The following TLK2 variants were observed in gnomAD, a reference collection of about 807,000 sequenced individuals.
TLK2 encodes the protein serine/threonine-protein kinase tousled-like 2.
Under a neutral mutation model 117.3 loss-of-function variants are expected in TLK2, and 6 were observed. The ratio of observed to expected loss-of-function variants is 0.05; its 90% CI spans 0.03 to 0.10. TLK2 has a LOEUF of 0.10. TLK2 is among the 10% of genes least tolerant of loss of function. The pLI is 1.00. For synonymous variants in TLK2, 257 were observed against 316.7 expected, an observed-to-expected ratio of 0.81 and a Z score of 2.00; for missense variants, 299 against 901.2, an observed-to-expected ratio of 0.33 and a Z score of 8.56.
intron 21 of TLK2, among the ~76,000 whole-genome samples, chr17:62,609,787 C>T (rs2083595554): frequency 6.6e-6 from 1 of 152,182 alleles, no homozygotes; most frequent in African/African-American, 2.4e-5. Flanking sequence ...TTTTCCTTAT[C>T]CATAAAAACA....
At chr17:62,584,045 T>G (rs566150993) in intron 15 of TLK2, among the ~76,000 whole-genome samples, 18 of 152,158 alleles carry the variant, frequency 1.2e-4, no homozygotes, top group African/African-American at 4.3e-4. Flanking sequence ...GAGAAAATTA[T>G]GCTTGAAATA....
At chr17:62,485,816 GTTTTTTTT>G (rs879159414) in intron 2 of TLK2, among the ~76,000 whole-genome samples, 1 of 122,562 alleles carries the variant, frequency 8.2e-6, no homozygotes, top group Non-Finnish European at 1.7e-5. Context: ...TAATTTTCTG[GTTTTTTTT>G]TTTTTTTTTT....
At chr17:62,516,939 CTG>C (rs1314363981) in intron 2 of TLK2, among the ~76,000 whole-genome samples, 1 of 152,100 alleles carries the variant, frequency 6.6e-6, no homozygotes, top group African/African-American at 2.4e-5. Context: ...CCGTCTCACT[CTG>C]TTGTCCAGGC....
intron 2 of TLK2, among the ~76,000 whole-genome samples, chr17:62,511,233 T>C (rs2465448): frequency 0.37 from 56,556 of 152,076 alleles, 10,745 homozygotes; most frequent in African/African-American, 0.42. Flanking sequence ...TACTTCATCA[T>C]AAGGCTCTTT....
At chr17:62,584,181 A>G (rs1430628718) in intron 15 of TLK2, among the ~76,000 whole-genome samples, 3 of 121,134 alleles carry the variant, frequency 2.5e-5, no homozygotes, top group Non-Finnish European at 4.7e-5. Flanking sequence ...CAGTGGTGCT[A>G]TCTCGGCTCA....
At position 62,615,272 on chromosome 17, in the gene TLK2, A is replaced by C. The variant is rs1474823934; in HGVS notation, c.*2707A>C. The C allele has an allele frequency of 6.6e-6, 1 of 152,224 alleles. No homozygotes were observed. Among genetic ancestry groups the C allele is most frequent in the Non-Finnish European group, 1.5e-5 (1 of 68,054 alleles). The allele number at this position is 152,224 out of a possible 1,614,324, so 9.4% of individuals were successfully genotyped here. A position where few individuals can be genotyped will look rare whatever the true frequency, so the allele number is the denominator to read the frequency against. ...TTGACTGTCTTTCAAGCAGCCAGTG[A>C]AATCACTAAGTGGGGTTCTTCCATG... On this transcript the variant is annotated 3_prime_UTR_variant, in exon 22 of 22. Transcript: ENST00000346027.
chr17:62,565,905 T>A (rs2079749049), intron 11 of TLK2, among the ~76,000 whole-genome samples: 1 of 152,140 alleles, frequency 6.6e-6, no homozygotes, highest in South Asian at 2.1e-4. Flanking sequence ...ATAGGACATG[T>A]TCCTGGGATT....
At chr17:62,573,777 A>T (rs977866987) in intron 12 of TLK2, among the ~76,000 whole-genome samples, 6 of 152,234 alleles carry the variant, frequency 3.9e-5, no homozygotes, top group Non-Finnish European at 8.8e-5. Context: ...GCACTTAGTT[A>T]ATAGTCACAA....
intron 18 of TLK2, 103 bp downstream of exon 18, chr17:62,600,923 CTAA>C: frequency 8.5e-7 from 1 of 1,174,866 alleles, no homozygotes; most frequent in Non-Finnish European, 1.2e-6. Context: ...CCAAGAAAGG[CTAA>C]TAACATCTGA....
At chr17:62,562,086 G>A (rs1206806479) in intron 10 of TLK2, among the ~76,000 whole-genome samples, 1 of 152,212 alleles carries the variant, frequency 6.6e-6, no homozygotes, top group African/African-American at 2.4e-5. Flanking sequence ...TGGACTGGGT[G>A]TGGTGGCTCA....
At chr17:62,588,413 T>C (rs1376982140) in intron 16 of TLK2, among the ~76,000 whole-genome samples, 1 of 152,208 alleles carries the variant, frequency 6.6e-6, no homozygotes, top group African/African-American at 2.4e-5. Flanking sequence ...TTCTCACATA[T>C]GTCTCTACCA....
chr17:62,476,704 G>T (rs1324550170), upstream of TLK2, among the ~76,000 whole-genome samples: 1 of 152,194 alleles, frequency 6.6e-6, no homozygotes, highest in Admixed American at 6.6e-5. Flanking sequence ...TCTGTGGAAA[G>T]AGCTAGGCTG....
intron 6 of TLK2, among the ~76,000 whole-genome samples, chr17:62,525,198 G>A (rs1163225838): frequency 6.6e-6 from 1 of 152,142 alleles, no homozygotes; most frequent in East Asian, 1.9e-4. Context: ...TTTTATTTTA[G>A]ATCACTGATT....
chr17:62,518,483 C>T (rs1215498675), intron 2 of TLK2, among the ~76,000 whole-genome samples: 1 of 152,062 alleles, frequency 6.6e-6, no homozygotes, highest in East Asian at 1.9e-4. Context: ...GTGGGCGGAT[C>T]ACTTGAAGGC....
chr17:62,530,273 GAAACAAAC>G lies in TLK2; in HGVS notation c.364-5877_364-5870del, dbSNP rs140690874. On this transcript the variant is annotated intron_variant, in intron 6 of 21. Coordinates refer to ENST00000346027, the MANE Select transcript of TLK2 (RefSeq NM_006852.6). ...TGGGTGACAGTGCAAGACTGTCTCA[GAAACAAAC>G]AAACAAACAAACAAACAAAAAACAA... 1.1e-3 allele frequency among the ~76,000 whole-genome samples: 171 copies of G among 151,796 alleles called. 1 individual carries two copies. Among genetic ancestry groups the G allele is most frequent in the African/African-American group, 3.7e-3 (154 of 41,328 alleles).
intron 16 of TLK2, among the ~76,000 whole-genome samples, chr17:62,595,937 A>G (rs1598840232): frequency 6.6e-6 from 1 of 151,746 alleles, no homozygotes; most frequent in Non-Finnish European, 1.5e-5. Flanking sequence ...AGGAGGGGGG[A>G]AAATAACCGT....
chr17:62,572,134 G>A (rs2080352006), intron 11 of TLK2, among the ~76,000 whole-genome samples: 1 of 149,020 alleles, frequency 6.7e-6, no homozygotes, highest in African/African-American at 2.5e-5. Context: ...CTGAGATCGT[G>A]CCACTGCATC....
At chr17:62,490,732 G>T (rs1231486132) in intron 2 of TLK2, among the ~76,000 whole-genome samples, 2 of 151,776 alleles carry the variant, frequency 1.3e-5, no homozygotes, top group Non-Finnish European at 2.9e-5. Flanking sequence ...AGTATAGACA[G>T]GATTTCACCA....
At chr17:62,496,052 T>C (rs963760890) in intron 2 of TLK2, among the ~76,000 whole-genome samples, 11 of 152,266 alleles carry the variant, frequency 7.2e-5, no homozygotes, top group Admixed American at 2.0e-4. Flanking sequence ...CTTCTACATT[T>C]CTCCCTTATC....
Sources: gnomAD v4.1 joint callset for allele counts (sites outside exome capture counted in the v4.1 genomes callset) on GRCh38, gnomAD v4.1.1 for gene constraint, MANE v1.5 for transcripts, NCBI Gene and HGNC (gene_info 2026-07-23, HGNC 2026-07-21) for gene names.